Variants in DMD observed in about 807,000 individuals in gnomAD.
DMD encodes the protein mutant dystrophin.
DMD carries 63 observed loss-of-function variants against 330.1 expected under a neutral mutation model. The observed-to-expected ratio is 0.19, with a 90% CI of 0.16 to 0.24. The LOEUF (loss-of-function observed/expected upper bound fraction) is 0.24, where lower values mean the gene tolerates loss of function less well. DMD is among the 10% of genes least tolerant of loss of function. DMD has a pLI of 1.00. For missense variants in DMD, 3,344 were observed against 2,684.1 expected, an observed-to-expected ratio of 1.25 and a Z score of -5.43; for synonymous variants, 1,223 against 959.8, an observed-to-expected ratio of 1.27 and a Z score of -5.07.
chrX:31,488,666 A>G (rs1334993812), intron 57 of DMD, among the ~76,000 whole-genome samples: 1 of 111,917 alleles, frequency 8.9e-6, no homozygotes, highest in Non-Finnish European at 1.9e-5. Flanking sequence ...CTCCAAATAT[A>G]TCTTCGATCA....
chrX:32,658,497 C>G (rs973749023), intron 9 of DMD, among the ~76,000 whole-genome samples: 3 of 111,419 alleles, frequency 2.7e-5, no homozygotes, highest in African/African-American at 9.8e-5. Flanking sequence ...TGGATGTGTT[C>G]CAATAAAACT....
intron 7 of DMD, among the ~76,000 whole-genome samples, chrX:32,721,018 C>T (rs982923673): frequency 1.8e-5 from 2 of 111,352 alleles, no homozygotes; most frequent in African/African-American, 6.5e-5. Flanking sequence ...TTCCTTCAGG[C>T]TCACCTATGT....
At chrX:31,575,733 C>T (rs1008286693) in intron 55 of DMD, among the ~76,000 whole-genome samples, 1 of 112,084 alleles carries the variant, frequency 8.9e-6, no homozygotes, top group African/African-American at 3.2e-5. Context: ...GGGCTGTGCT[C>T]ATTTTTATAA....
At chrX:31,800,122 G>A (rs752200532) in intron 50 of DMD, among the ~76,000 whole-genome samples, 3 of 112,452 alleles carry the variant, frequency 2.7e-5, no homozygotes, top group Non-Finnish European at 3.8e-5. Context: ...TTTGGATGAT[G>A]GTGGTCCTCT....
intron 47 of DMD, among the ~76,000 whole-genome samples, chrX:31,921,936 T>C (rs2094694905): frequency 8.9e-6 from 1 of 111,930 alleles, no homozygotes; most frequent in Non-Finnish European, 1.9e-5. Flanking sequence ...GCATTGCCTA[T>C]ATGGTATTAT....
Position 32,002,197 on chromosome X carries a change from G to C in DMD, c.6439-33683C>G, listed in dbSNP as rs761588391. ...TTTTAATTCAATGTCATTACTTCGT[G>C]TTTGTTCTCTATGGTGATGTTTATT... On this transcript the variant is annotated intron_variant, in intron 44 of 78. Transcript: ENST00000357033. 4.9e-4 allele frequency among the ~76,000 whole-genome samples: 55 copies of C among 111,732 alleles called. 1 individual carries two copies. Among genetic ancestry groups the C allele is most frequent in the Non-Finnish European group, 9.6e-4 (51 of 53,035 alleles).
intron 55 of DMD, among the ~76,000 whole-genome samples, chrX:31,583,748 G>GAT (rs10533940): frequency 1.5e-3 from 162 of 106,339 alleles, no homozygotes; most frequent in Non-Finnish European, 1.8e-3. Flanking sequence ...ATCACCTAGA[G>GAT]ATATATATAT....
chrX:32,842,975 T>A (rs1245501444), intron 4 of DMD, among the ~76,000 whole-genome samples: 1 of 110,594 alleles, frequency 9.0e-6, no homozygotes, highest in Non-Finnish European at 1.9e-5. Context: ...CTCAGCTAAT[T>A]TTTGTATTTT....
intron 43 of DMD, among the ~76,000 whole-genome samples, chrX:32,217,465 A>C (rs1412691653): frequency 9.0e-6 from 1 of 111,591 alleles, no homozygotes; most frequent in Non-Finnish European, 1.9e-5. Context: ...CCCTTTCAAA[A>C]TATTTTTGGA....
At chrX:31,967,712 T>C (rs1441616635) in intron 45 of DMD, among the ~76,000 whole-genome samples, 2 of 111,473 alleles carry the variant, frequency 1.8e-5, no homozygotes, top group Non-Finnish European at 3.8e-5. Flanking sequence ...ATCCCATTTA[T>C]AAACTCTCTA....
intron 60 of DMD, among the ~76,000 whole-genome samples, chrX:31,366,380 C>A (rs978004231): frequency 2.1e-5 from 2 of 96,886 alleles, no homozygotes; most frequent in Admixed American, 2.3e-4. Flanking sequence ...GGTTTTGAAC[C>A]CTTGTGGATC....
intron 1 of DMD, among the ~76,000 whole-genome samples, chrX:33,122,273 T>C (rs2095430195): frequency 8.9e-6 from 1 of 112,280 alleles, no homozygotes; most frequent in African/African-American, 3.2e-5. Flanking sequence ...AAATCAAAGG[T>C]GGTGAAATAA....
At chrX:31,631,276 TTTCAGG>T (rs1423260791) in intron 54 of DMD, among the ~76,000 whole-genome samples, 1 of 110,409 alleles carries the variant, frequency 9.1e-6, no homozygotes, top group Non-Finnish European at 1.9e-5. Flanking sequence ...CCGGACCCCT[TTTCAGG>T]ACTGAAATAC....
chrX:32,008,042 T>A (rs1192440074), intron 44 of DMD, among the ~76,000 whole-genome samples: 5 of 111,100 alleles, frequency 4.5e-5, no homozygotes, highest in African/African-American at 1.6e-4. Context: ...TAGAGACAGG[T>A]CATTACTACC....
At chrX:31,418,870 C>T (rs1043442850) in intron 60 of DMD, among the ~76,000 whole-genome samples, 3 of 112,541 alleles carry the variant, frequency 2.7e-5, no homozygotes, top group Non-Finnish European at 3.8e-5. Flanking sequence ...GACCTTCTGC[C>T]TTCGGTGATG....
intron 43 of DMD, among the ~76,000 whole-genome samples, chrX:32,259,267 G>C (rs113243561): frequency 0.033 from 3,663 of 110,058 alleles, 168 homozygotes; most frequent in African/African-American, 0.11. Context: ...ATATCATATA[G>C]CGACTGATAT....
intron 29 of DMD, among the ~76,000 whole-genome samples, chrX:32,427,324 G>A (rs2098217170): frequency 9.0e-6 from 1 of 111,336 alleles, no homozygotes; most frequent in Non-Finnish European, 1.9e-5. Context: ...GATATCCAAA[G>A]AGAAAAATAC....
chrX:31,638,641 T>C (rs1662180101), intron 54 of DMD, among the ~76,000 whole-genome samples: 1 of 112,414 alleles, frequency 8.9e-6, no homozygotes, highest in Non-Finnish European at 1.9e-5. Flanking sequence ...TGTCTAAAAG[T>C]TTTTCATTGT....
chrX:31,189,460 G>A (rs919830643), intron 67 of DMD, among the ~76,000 whole-genome samples: 8 of 111,147 alleles, frequency 7.2e-5, no homozygotes, highest in Admixed American at 1.9e-4. Flanking sequence ...TTTTCGATAC[G>A]CATTTGGTTG....
Sources: gnomAD v4.1 joint callset for allele counts (sites outside exome capture counted in the v4.1 genomes callset) on GRCh38, gnomAD v4.1.1 for gene constraint, MANE v1.5 for transcripts, NCBI Gene and HGNC (gene_info 2026-07-23, HGNC 2026-07-21) for gene names.